The following KLHL13 variants were observed in gnomAD, a reference collection of about 807,000 sequenced individuals.
The protein encoded by KLHL13 is kelch like family member 13, also known as kelch-like protein 13.
KLHL13 carries 10 observed loss-of-function variants against 37.1 expected under a neutral mutation model. That is an observed-to-expected ratio of 0.27 (90% CI 0.17 to 0.46). KLHL13 has a LOEUF of 0.46. Among genes scored for constraint, KLHL13 ranks in the 20% least tolerant of loss-of-function variants. The probability of loss-of-function intolerance (pLI) is 1.00; values close to 1 mark genes in which losing one functional copy is unlikely to be tolerated. For missense variants in KLHL13, 360 were observed against 509.3 expected, an observed-to-expected ratio of 0.71 and a Z score of 2.82; for synonymous variants, 163 against 181.2, an observed-to-expected ratio of 0.90 and a Z score of 0.81.
At chrX:118,036,875 A>G (rs2054449905) in intron 1 of KLHL13, among the ~76,000 whole-genome samples, 1 of 106,949 alleles carries the variant, frequency 9.4e-6, no homozygotes, top group Admixed American at 1.0e-4. Context: ...AGAATCTACA[A>G]TGAACTCAAA....
At chrX:118,080,391 G>C (rs2054977600) in intron 1 of KLHL13, among the ~76,000 whole-genome samples, 1 of 109,366 alleles carries the variant, frequency 9.1e-6, no homozygotes, top group Non-Finnish European at 1.9e-5. Context: ...CTATTATCCA[G>C]AATCTATAAG....
chrX:117,950,497 CT>C (rs1376195737), intron 1 of KLHL13, among the ~76,000 whole-genome samples: 1 of 111,644 alleles, frequency 9.0e-6, no homozygotes, highest in Non-Finnish European at 1.9e-5. Flanking sequence ...AAGAAAGTCT[CT>C]TGCATTAGTG....
chrX:117,986,391 T>C (rs1228569374), intron 1 of KLHL13, among the ~76,000 whole-genome samples: 1 of 111,085 alleles, frequency 9.0e-6, no homozygotes, highest in Non-Finnish European at 1.9e-5. Flanking sequence ...TAGTGTTGAG[T>C]GGAGTAGATT....
At chrX:117,996,180 G>A (rs2053851914) in intron 1 of KLHL13, among the ~76,000 whole-genome samples, 1 of 112,080 alleles carries the variant, frequency 8.9e-6, no homozygotes, top group Admixed American at 9.4e-5. Context: ...GACATACAAG[G>A]AAAGAGGTTC....
chrX:117,971,953 C>A (rs961126796), intron 1 of KLHL13, among the ~76,000 whole-genome samples: 6 of 111,688 alleles, frequency 5.4e-5, no homozygotes. Flanking sequence ...GGATCATGAA[C>A]AATACTTTAA....
chrX:118,029,387 C>T (rs138972116), intron 1 of KLHL13, among the ~76,000 whole-genome samples: 5,875 of 111,295 alleles, frequency 0.053, 381 homozygotes, highest in African/African-American at 0.18. Context: ...CATAAAATAG[C>T]GGATAGAAAT....
In KLHL13 at chrX:117,943,536, T is replaced by G. The variant is rs145879638; in HGVS notation, c.240+1898A>C. Among the ~76,000 whole-genome samples, 804 of 109,582 alleles carry G rather than the reference T, an allele frequency of 7.3e-3. 7 individuals carry two copies. The highest frequency in any genetic ancestry group is 0.024 in the African/African-American group (712 of 30,195). On this transcript the variant is annotated intron_variant, in intron 2 of 6. Coordinates refer to ENST00000262820, the Ensembl canonical transcript of KLHL13. ...GGCTTTGTTCGTTTCTTTTCATTCT[T>G]TTTTCTTTGATCTTGTCTTCTTGCT... is the stretch of plus-strand genomic sequence containing the variant.
At chrX:117,983,254 T>C (rs1441600981) in intron 1 of KLHL13, among the ~76,000 whole-genome samples, 1 of 111,129 alleles carries the variant, frequency 9.0e-6, no homozygotes, top group Non-Finnish European at 1.9e-5. Flanking sequence ...ACCAAAGTAA[T>C]TTATGTTTGT....
Position 118,086,956 on chromosome X carries a change from A to G in KLHL13, c.-56+29552T>C, listed in dbSNP as rs148510823. Among the ~76,000 whole-genome samples the G allele has an allele frequency of 7.9e-3, 879 of 111,517 alleles. 7 individuals carry two copies. Among genetic ancestry groups the G allele is most frequent in the African/African-American group, 0.027 (846 of 30,802 alleles). On this transcript the variant is annotated intron_variant, in intron 1 of 6. Coordinates refer to the KLHL13 transcript ENST00000371882. ...GGTGAAATCATAAAACATAACCTTAACAAATAAGGATGTTACGCTACAAAA... is the reference window on the plus strand; with the variant it reads ...GGTGAAATCATAAAACATAACCTTAGCAAATAAGGATGTTACGCTACAAAA...
At chrX:118,071,355 T>C (rs1304056215) in intron 1 of KLHL13, among the ~76,000 whole-genome samples, 2 of 111,455 alleles carry the variant, frequency 1.8e-5, no homozygotes, top group Non-Finnish European at 3.8e-5. Flanking sequence ...ATGGTTGAAC[T>C]AGTTTACAGT....
chrX:118,029,723 C>G (rs1181441518), intron 1 of KLHL13, among the ~76,000 whole-genome samples: 1 of 111,876 alleles, frequency 8.9e-6, no homozygotes, highest in African/African-American at 3.2e-5. Context: ...AATCCCAGCA[C>G]TTTGGGATGC....
Position 118,014,110 on chromosome X carries a change from A to G in KLHL13, c.-55-68535T>C, listed in dbSNP as rs141704768. ...GAATAACAGTGATTTTCAGGGAACAAGGGAAGATAACCATGAGGCCTGACT... is the reference window on the plus strand; with the variant it reads ...GAATAACAGTGATTTTCAGGGAACAGGGGAAGATAACCATGAGGCCTGACT... On this transcript the variant is annotated intron_variant, in intron 1 of 6. Coordinates refer to the KLHL13 transcript ENST00000371882. Among the ~76,000 whole-genome samples, 450 of 112,299 alleles carry G rather than the reference A, an allele frequency of 4.0e-3. 3 individuals carry two copies. The highest frequency in any genetic ancestry group is 0.013 in the African/African-American group (410 of 30,926).
chrX:117,985,739 G>A (rs892304570), intron 1 of KLHL13, among the ~76,000 whole-genome samples: 1 of 110,309 alleles, frequency 9.1e-6, no homozygotes, highest in Non-Finnish European at 1.9e-5. Context: ...GCTATTTGTT[G>A]TATTATCTTT....
upstream of KLHL13, among the ~76,000 whole-genome samples, chrX:117,978,621 A>G (rs1270669904): frequency 2.7e-5 from 3 of 110,989 alleles, no homozygotes; most frequent in Admixed American, 1.9e-4. Flanking sequence ...AGAGAGACTG[A>G]GCAGAGAACA....
chrX:117,954,408 G>A (rs1281977963), intron 1 of KLHL13, among the ~76,000 whole-genome samples: 3 of 109,029 alleles, frequency 2.8e-5, no homozygotes, highest in Non-Finnish European at 5.8e-5. Context: ...ATAGGTAGAC[G>A]GATGGATGGA....
intron 1 of KLHL13, among the ~76,000 whole-genome samples, chrX:118,053,523 G>A (rs2054640795): frequency 9.1e-6 from 1 of 110,433 alleles, no homozygotes; most frequent in Non-Finnish European, 1.9e-5. Context: ...ATAGCATTAG[G>A]AGATATACCT....
At chrX:118,058,543 G>C (rs1165129228) in intron 1 of KLHL13, among the ~76,000 whole-genome samples, 1 of 111,602 alleles carries the variant, frequency 9.0e-6, no homozygotes, top group Non-Finnish European at 1.9e-5. Context: ...CTTCTTCTGG[G>C]TCAATAACTA....
intron 1 of KLHL13, among the ~76,000 whole-genome samples, chrX:118,001,690 C>T (rs1365908331): frequency 1.8e-5 from 2 of 109,664 alleles, no homozygotes; most frequent in African/African-American, 3.3e-5. Context: ...ATGATGAAAC[C>T]GTGTCTCTAC....
At chrX:118,008,342 A>G (rs751245031) in intron 1 of KLHL13, among the ~76,000 whole-genome samples, 91 of 112,347 alleles carry the variant, frequency 8.1e-4, no homozygotes, top group South Asian at 5.6e-3. Context: ...TTAACCTATC[A>G]GCGTAAATGT....
Sources: allele counts gnomAD v4.1 joint callset (sites outside exome capture counted in the v4.1 genomes callset), GRCh38; gene constraint gnomAD v4.1.1; transcripts MANE v1.5; gene names NCBI Gene and HGNC (gene_info 2026-07-23, HGNC 2026-07-21).